Variants in FRMD6 observed in about 807,000 individuals in gnomAD.
FRMD6 encodes FERM domain containing 6.
A neutral mutation model predicts 73.2 loss-of-function variants in FRMD6; 37 were observed. The observed-to-expected ratio is 0.51, with a 90% CI of 0.39 to 0.66. The LOEUF (loss-of-function observed/expected upper bound fraction) is 0.66, where lower values mean the gene tolerates loss of function less well. FRMD6 is among the 30% of genes least tolerant of loss of function. FRMD6 has a pLI of 0.00. For missense variants in FRMD6, 714 were observed against 780.5 expected (o/e 0.91, Z 1.02); for synonymous variants, 273 against 282.2 (o/e 0.97, Z 0.33).
At chr14:51,664,131 A>G (rs919779616) in intron 1 of FRMD6, among the ~76,000 whole-genome samples, 3 of 152,182 alleles carry the variant, frequency 2.0e-5, no homozygotes, top group African/African-American at 7.2e-5. Context: ...GATAGGTTTG[A>G]TCTGACTAGG....
intron 1 of FRMD6, among the ~76,000 whole-genome samples, chr14:51,567,656 A>G (rs1887848561): frequency 6.6e-6 from 1 of 152,202 alleles, no homozygotes; most frequent in Admixed American, 6.5e-5. Context: ...ATCTTTTTGT[A>G]GAAATCATAT....
chr14:51,619,817 G>T (rs1203815751), intron 2 of FRMD6, among the ~76,000 whole-genome samples: 1 of 151,988 alleles, frequency 6.6e-6, no homozygotes, highest in African/African-American at 2.4e-5. Context: ...TTTCTTTAGG[G>T]GTATAATATT....
chr14:51,616,041 G>C (rs1179856542), intron 2 of FRMD6, among the ~76,000 whole-genome samples: 1 of 152,148 alleles, frequency 6.6e-6, no homozygotes, highest in East Asian at 1.9e-4. Context: ...GGGTATAAAG[G>C]CCATAGTTTG....
intron 7 of FRMD6, among the ~76,000 whole-genome samples, chr14:51,710,850 T>G (rs1187171768): frequency 2.0e-5 from 3 of 151,572 alleles, no homozygotes; most frequent in East Asian, 1.9e-4. Flanking sequence ...ATTGTGGAGG[T>G]TTTTTTTTCC....
At chr14:51,586,180 A>G (rs1161421011) in intron 2 of FRMD6, among the ~76,000 whole-genome samples, 1 of 151,806 alleles carries the variant, frequency 6.6e-6, no homozygotes, top group Non-Finnish European at 1.5e-5. Context: ...CAAAGGTTGT[A>G]CTAATTTACA....
At chr14:51,451,569 C>A in the FRMD6 span, among the ~76,000 whole-genome samples, 2 of 152,246 alleles carry the variant, frequency 1.3e-5, no homozygotes, top group Admixed American at 6.5e-5. Context: ...TTAGTAGACA[C>A]AGGATTTTGC....
the FRMD6 span, among the ~76,000 whole-genome samples, chr14:51,428,170 C>A: frequency 6.6e-6 from 1 of 152,124 alleles, no homozygotes; most frequent in African/African-American, 2.4e-5. Flanking sequence ...TTTCTTTGAA[C>A]ACTAAAGGTG....
At chr14:51,581,675 G>A (rs4898700) in intron 2 of FRMD6, among the ~76,000 whole-genome samples, 133,481 of 152,226 alleles carry the variant, frequency 0.88, 59,392 homozygotes, top group South Asian at 0.95. Flanking sequence ...CTAAGTTAAA[G>A]CTCAGTTGAT....
intron 2 of FRMD6, among the ~76,000 whole-genome samples, chr14:51,697,355 C>T (rs1430519359): frequency 6.6e-6 from 1 of 152,102 alleles, no homozygotes; most frequent in Non-Finnish European, 1.5e-5. Flanking sequence ...GAAATCATGT[C>T]ATTTGCAATA....
Position 51,715,382 on chromosome 14 carries a change from TACACGGGGTGCCCCATGC to T in FRMD6, c.908_925del (p.Tyr303_Arg309delinsCys). 6.2e-7 allele frequency: 1 copy of T among 1,613,406 alleles called. No individual in the cohort carries two copies. On this transcript the variant is annotated inframe_deletion, in exon 10 of 14. Coordinates refer to ENST00000344768, the MANE Select transcript of FRMD6 (RefSeq NM_001267046.2). ...GCCTTCTGCCCGGAAGCTCATATAC[TACACGGGGTGCCCCATGC>T]GCTCCAGACACCTCCTGCAACTTCT...
At chr14:51,638,547 G>A (rs1278421151) in intron 2 of FRMD6, among the ~76,000 whole-genome samples, 2 of 152,168 alleles carry the variant, frequency 1.3e-5, no homozygotes, top group African/African-American at 2.4e-5. Context: ...CGCAATGATA[G>A]GGACTGAAGG....
intron 2 of FRMD6, among the ~76,000 whole-genome samples, chr14:51,583,521 G>A (rs1317850237): frequency 2.0e-5 from 3 of 152,156 alleles, no homozygotes; most frequent in Admixed American, 1.3e-4. Context: ...CACTTACTAT[G>A]TACCTGGAGC....
chr14:51,461,399 G>T, the FRMD6 span, among the ~76,000 whole-genome samples: 2 of 152,128 alleles, frequency 1.3e-5, no homozygotes, highest in East Asian at 3.8e-4. Context: ...TCCACCAATT[G>T]TGTCCATAAA....
chr14:51,532,614 C>T (rs2140337474), intron 1 of FRMD6, among the ~76,000 whole-genome samples: 1 of 152,222 alleles, frequency 6.6e-6, no homozygotes, highest in African/African-American at 2.4e-5. Flanking sequence ...TAACACAAAA[C>T]ATGACTTAAA....
intron 1 of FRMD6, among the ~76,000 whole-genome samples, chr14:51,493,244 G>A (rs1883116406): frequency 6.6e-6 from 1 of 152,100 alleles, no homozygotes; most frequent in East Asian, 1.9e-4. Context: ...AGCAATATGT[G>A]TTTACTACTT....
chr14:51,697,034 G>A (rs1333456632), intron 2 of FRMD6, among the ~76,000 whole-genome samples: 3 of 152,150 alleles, frequency 2.0e-5, no homozygotes, highest in Non-Finnish European at 2.9e-5. Context: ...CGAGGATGTG[G>A]AGAAAAGGGA....
chr14:51,697,965 C>T lies in FRMD6; in HGVS notation c.100-177C>T, dbSNP rs1385857326. 1.7e-5 allele frequency: 9 copies of T among 530,182 alleles called. No individual in the cohort carries two copies. The East Asian group carries it at 1.9e-4, about 11-fold the overall frequency. 32.8% of individuals were successfully genotyped at this position (530,182 alleles called of 1,614,324 possible). ...ATGTTGTAAAAACTGGTACTGTGAT[C>T]ATCATTACTGAAACACAACCCCAGG... On this transcript the variant is annotated intron_variant, in intron 2 of 13. Transcript: ENST00000344768.
At chr14:51,498,432 C>A (rs563372299) in intron 1 of FRMD6, among the ~76,000 whole-genome samples, 1 of 125,442 alleles carries the variant, frequency 8.0e-6, no homozygotes, top group Non-Finnish European at 1.7e-5. Flanking sequence ...GTTTTCATTG[C>A]AGAGTAACAA....
At chr14:51,502,443 C>A (rs900206162) in intron 1 of FRMD6, among the ~76,000 whole-genome samples, 1 of 152,088 alleles carries the variant, frequency 6.6e-6, no homozygotes, top group South Asian at 2.1e-4. Context: ...CAGCACCATT[C>A]ATTAAATAGG....
Sources: gnomAD v4.1 joint callset for allele counts (sites outside exome capture counted in the v4.1 genomes callset) on GRCh38, gnomAD v4.1.1 for gene constraint, MANE v1.5 for transcripts, NCBI Gene and HGNC (gene_info 2026-07-23, HGNC 2026-07-21) for gene names.